The following HS3ST5 variants were observed in gnomAD, a reference collection of about 807,000 sequenced individuals.
HS3ST5 encodes heparan sulfate glucosamine 3-O-sulfotransferase 5.
A neutral mutation model predicts 25.4 loss-of-function variants in HS3ST5; 10 were observed. The ratio of observed to expected loss-of-function variants is 0.39; its 90% CI spans 0.24 to 0.67. The LOEUF (loss-of-function observed/expected upper bound fraction) is 0.67, where lower values mean the gene tolerates loss of function less well. Ranked by LOEUF, HS3ST5 falls within the 30% of genes least tolerant of loss-of-function variation. HS3ST5 has a pLI of 0.44. For missense variants in HS3ST5, 324 were observed against 420.7 expected, an observed-to-expected ratio of 0.77 and a Z score of 2.01; for synonymous variants, 170 against 162.4, an observed-to-expected ratio of 1.05 and a Z score of -0.36.
intron 3 of HS3ST5, among the ~76,000 whole-genome samples, chr6:114,102,890 C>A (rs1227838734): frequency 1.3e-5 from 2 of 151,994 alleles, no homozygotes; most frequent in African/African-American, 4.8e-5. Context: ...AATTTTAAAC[C>A]TCAAATAAAA....
At chr6:114,324,883 C>T (rs772794032) in intron 1 of HS3ST5, among the ~76,000 whole-genome samples, 6 of 152,304 alleles carry the variant, frequency 3.9e-5, no homozygotes, top group Admixed American at 2.0e-4. Flanking sequence ...TGTCTCACTC[C>T]ACTTAAGGGA....
At chr6:114,150,269 T>TATATATAAAACAACCAAC (rs1778387869) in intron 3 of HS3ST5, among the ~76,000 whole-genome samples, 1 of 152,268 alleles carries the variant, frequency 6.6e-6, no homozygotes, top group African/African-American at 2.4e-5. Flanking sequence ...CACACAGATC[T>TATATATAAAACAACCAAC]AGATGTCACA....
At chr6:114,250,659 T>A (rs538941945) in intron 1 of HS3ST5, among the ~76,000 whole-genome samples, 2 of 152,322 alleles carry the variant, frequency 1.3e-5, no homozygotes, top group Admixed American at 1.3e-4. Context: ...CTGCAAACTT[T>A]GACCTGAAGG....
chr6:114,240,205 C>T (rs1020615726), intron 1 of HS3ST5, among the ~76,000 whole-genome samples: 7 of 152,166 alleles, frequency 4.6e-5, no homozygotes, highest in African/African-American at 7.2e-5. Context: ...GTCCCCTGCA[C>T]GCTTCCTGAC....
chr6:114,224,081 T>G (rs1235136039), intron 2 of HS3ST5, among the ~76,000 whole-genome samples: 3 of 151,606 alleles, frequency 2.0e-5, no homozygotes, highest in African/African-American at 7.2e-5. Flanking sequence ...CCCTGAAATT[T>G]TATGTTTTCT....
chr6:114,143,095 G>A (rs1156534598), intron 3 of HS3ST5: 4 of 152,166 alleles, frequency 2.6e-5, no homozygotes, highest in African/African-American at 7.2e-5. Context: ...CTGCCTTATC[G>A]TCAGTTCTTT....
chr6:114,085,819 T>C (rs960629411), intron 3 of HS3ST5, among the ~76,000 whole-genome samples: 1 of 152,150 alleles, frequency 6.6e-6, no homozygotes, highest in African/African-American at 2.4e-5. Context: ...TATATTTTAG[T>C]TATTTCAACA....
intron 3 of HS3ST5, among the ~76,000 whole-genome samples, chr6:114,069,594 C>T (rs1255322394): frequency 2.0e-5 from 3 of 150,568 alleles, no homozygotes; most frequent in African/African-American, 7.3e-5. Context: ...TCTTGGCTCG[C>T]TGCAACCTCT....
rs1286222509 is a variant in HS3ST5 at position 114,057,521 on chromosome 6, G to A, written c.777C>T (p.Ile259=). 30 of 1,614,100 alleles carry A rather than the reference G, an allele frequency of 1.9e-5. No individual in the cohort carries two copies. Among genetic ancestry groups the A allele is most frequent in the Non-Finnish European group, 2.4e-5 (28 of 1,180,040 alleles). ...GCTGAAGTTCTGGCAGAGGTTCCGT[G>A]ATGAGGCGATCTCCATCGACGACAT... ...QFHVVDGDRL[I]TEPLPELQLV... The change falls in exon 5 of 5, where the codon ATC becomes ATT. Residue 259 remains isoleucine, a synonymous_variant. Transcript: ENST00000312719.
At chr6:114,214,679 AAAAGGTAGAGAGC>A (rs1448227344) in intron 2 of HS3ST5, among the ~76,000 whole-genome samples, 9 of 152,240 alleles carry the variant, frequency 5.9e-5, no homozygotes, top group African/African-American at 2.2e-4. Flanking sequence ...TAGCTGTTAC[AAAAGGTAGAGAGC>A]AAGACTGAGA....
intron 2 of HS3ST5, among the ~76,000 whole-genome samples, chr6:114,193,471 A>T (rs1209310358): frequency 2.0e-5 from 3 of 152,196 alleles, no homozygotes; most frequent in Admixed American, 1.3e-4. Context: ...GCTGTGGTAG[A>T]AGCATGTATA....
intron 2 of HS3ST5, among the ~76,000 whole-genome samples, chr6:114,170,514 T>A (rs1046523545): frequency 6.6e-6 from 1 of 152,178 alleles, no homozygotes; most frequent in Non-Finnish European, 1.5e-5. Context: ...TTCTTAGGTG[T>A]CTGTAGAACT....
At chr6:114,138,541 G>C (rs1477045813) in intron 3 of HS3ST5, among the ~76,000 whole-genome samples, 1 of 152,192 alleles carries the variant, frequency 6.6e-6, no homozygotes, top group Non-Finnish European at 1.5e-5. Context: ...AGGTAACCAT[G>C]CAGGAATATC....
At chr6:114,079,400 T>C (rs1774324682) in intron 3 of HS3ST5, among the ~76,000 whole-genome samples, 1 of 152,196 alleles carries the variant, frequency 6.6e-6, no homozygotes, top group Non-Finnish European at 1.5e-5. Context: ...CAGGAGTAAA[T>C]TCCATTTCAA....
At chr6:114,293,596 TAA>T (rs1405396690) in intron 1 of HS3ST5, among the ~76,000 whole-genome samples, 1 of 152,192 alleles carries the variant, frequency 6.6e-6, no homozygotes, top group Non-Finnish European at 1.5e-5. Flanking sequence ...AACTTAATTG[TAA>T]AAGTTAGGAG....
At chr6:114,242,256 T>G (rs554049258) in intron 1 of HS3ST5, among the ~76,000 whole-genome samples, 1 of 152,182 alleles carries the variant, frequency 6.6e-6, no homozygotes, top group African/African-American at 2.4e-5. Flanking sequence ...TATTTTGGAT[T>G]TATTTAATTA....
At chr6:114,097,756 A>G (rs1273831835) in intron 3 of HS3ST5, among the ~76,000 whole-genome samples, 3 of 151,832 alleles carry the variant, frequency 2.0e-5, no homozygotes, top group Non-Finnish European at 4.4e-5. Flanking sequence ...TCCTTTTTTA[A>G]AAAAAATCAA....
intron 3 of HS3ST5, among the ~76,000 whole-genome samples, chr6:114,165,099 A>G (rs1349437551): frequency 6.6e-6 from 1 of 152,180 alleles, no homozygotes; most frequent in Non-Finnish European, 1.5e-5. Flanking sequence ...ATGGATGGAT[A>G]GTATTATTCT....
In HS3ST5 at chr6:114,309,331, T is replaced by A. The variant is rs562353624; in HGVS notation, c.-339+32864A>T. Among the ~76,000 whole-genome samples the A allele has an allele frequency of 1.1e-4, 16 of 152,362 alleles. 1 individual carries two copies. In the South Asian group the frequency reaches 3.1e-3, roughly 30 times the overall value. On this transcript the variant is annotated intron_variant, in intron 1 of 4. Coordinates refer to ENST00000312719, the MANE Select transcript of HS3ST5 (RefSeq NM_153612.4). ...AGTAATAGGTAAAAACCTCTTACTATGTGAGGGACTTGTCAATAAAACACA... is the reference window on the plus strand; with the variant it reads ...AGTAATAGGTAAAAACCTCTTACTAAGTGAGGGACTTGTCAATAAAACACA...
Sources: gnomAD v4.1 joint callset for allele counts (sites outside exome capture counted in the v4.1 genomes callset) on GRCh38, gnomAD v4.1.1 for gene constraint, MANE v1.5 for transcripts, NCBI Gene and HGNC (gene_info 2026-07-23, HGNC 2026-07-21) for gene names.